Variants in USH2A observed in about 807,000 individuals in gnomAD.
The protein encoded by USH2A is usherin.
USH2A carries 443 observed loss-of-function variants against 538.9 expected under a neutral mutation model. The observed-to-expected ratio is 0.82, with a 90% CI of 0.76 to 0.89. The LOEUF (loss-of-function observed/expected upper bound fraction) is 0.89, where lower values mean the gene tolerates loss of function less well. USH2A is among the 40% of genes least tolerant of loss of function. USH2A has a pLI of 0.00. For missense variants in USH2A, 6,633 were observed against 6,324.8 expected (o/e 1.05, Z -1.65); for synonymous variants, 2,413 against 2,273.5 (o/e 1.06, Z -1.75).
In USH2A at chr1:215,813,424, A is replaced by T. The variant is rs1027564559; in HGVS notation, c.9739+312T>A. 2.6e-5 allele frequency among the ~76,000 whole-genome samples: 4 copies of T among 152,194 alleles called. No homozygotes were observed. In the East Asian group the frequency reaches 5.8e-4, roughly 22 times the overall value. ...GAACAGTCAGCAATTCACATATTTAATAGTGAAAATATATAGTCATGTTAA... is the reference window on the plus strand; with the variant it reads ...GAACAGTCAGCAATTCACATATTTATTAGTGAAAATATATAGTCATGTTAA... On this transcript the variant is annotated intron_variant, in intron 49 of 71. Transcript: ENST00000307340.
chr1:215,646,209 T>C (rs1388722586), intron 67 of USH2A, among the ~76,000 whole-genome samples: 2 of 152,252 alleles, frequency 1.3e-5, no homozygotes, highest in South Asian at 2.1e-4. Context: ...ACCTGTGCTG[T>C]TGCAAGGGCC....
rs754724898 is a variant in USH2A at position 215,888,945 on chromosome 1, A to C, written c.7704T>G (p.Ile2568Met). 3.1e-6 allele frequency: 5 copies of C among 1,614,040 alleles called. No individual in the cohort carries two copies. Among genetic ancestry groups the C allele is most frequent in the Non-Finnish European group, 4.2e-6 (5 of 1,180,032 alleles). ...KSNGVITHYN[I>M]YLHGRLYLRT... ...TCAAGTATAGACGGCCATGTAGATAAATGTTATAATGGGTAATAACCCCAT... is the reference window on the plus strand; with the variant it reads ...TCAAGTATAGACGGCCATGTAGATACATGTTATAATGGGTAATAACCCCAT... Residue 2568 changes from isoleucine (I) to methionine (M), a missense_variant, in exon 41 of 72, where the codon ATT (isoleucine) becomes ATG (methionine). Ile to Met is a conservative substitution (Grantham distance 10). Transcript: ENST00000307340.
chr1:215,820,177 A>T (rs1338873859), intron 47 of USH2A, among the ~76,000 whole-genome samples: 1 of 151,638 alleles, frequency 6.6e-6, no homozygotes, highest in Non-Finnish European at 1.5e-5. Context: ...TTAGATTTTA[A>T]AGTAATAGGA....
chr1:216,089,818 A>T (rs527441771), intron 22 of USH2A, among the ~76,000 whole-genome samples: 1 of 131,718 alleles, frequency 7.6e-6, no homozygotes, highest in African/African-American at 3.4e-5. Flanking sequence ...AGGTAAGAAT[A>T]AAAAAAAAAA....
At chr1:216,032,215 GT>G (rs1669145026) in intron 32 of USH2A, among the ~76,000 whole-genome samples, 1 of 152,012 alleles carries the variant, frequency 6.6e-6, no homozygotes, top group African/African-American at 2.4e-5. Flanking sequence ...TGCAGAGGAT[GT>G]TTTGCATTAA....
intron 37 of USH2A, among the ~76,000 whole-genome samples, chr1:215,957,175 T>C (rs946048001): frequency 2.0e-5 from 3 of 152,214 alleles, no homozygotes; most frequent in African/African-American, 7.2e-5. Flanking sequence ...AGTAATTTTC[T>C]CTATTTCCCC....
chr1:215,840,959 G>A (rs1399392283), intron 46 of USH2A, among the ~76,000 whole-genome samples: 1 of 152,116 alleles, frequency 6.6e-6, no homozygotes. Context: ...ATAAACATCA[G>A]TCCACATATT....
At chr1:215,769,157 A>G (rs888291395) in intron 55 of USH2A, among the ~76,000 whole-genome samples, 1 of 152,224 alleles carries the variant, frequency 6.6e-6, no homozygotes, top group Non-Finnish European at 1.5e-5. Flanking sequence ...CAATACACAT[A>G]TTCTAGATTT....
chr1:215,647,461 C>T, intron 67 of USH2A, 61 bp downstream of exon 67: 1 of 1,604,894 alleles, frequency 6.2e-7, no homozygotes, highest in Non-Finnish European at 8.5e-7. Flanking sequence ...AGTTTCAGGG[C>T]AAGCTTCTCC....
chr1:216,076,033 C>A (rs2031737400), intron 27 of USH2A, among the ~76,000 whole-genome samples: 1 of 152,108 alleles, frequency 6.6e-6, no homozygotes, highest in African/African-American at 2.4e-5. Context: ...ATACATGCTG[C>A]ACCTCTGTAT....
At chr1:215,630,072 T>G in intron 70 of USH2A, 2 of 513,348 alleles carry the variant, frequency 3.9e-6, no homozygotes, top group Non-Finnish European at 7.8e-6. Flanking sequence ...TCACTCATGT[T>G]GTTCAGCTTT....
intron 32 of USH2A, among the ~76,000 whole-genome samples, chr1:216,031,309 C>T (rs1445733163): frequency 6.6e-6 from 1 of 152,050 alleles, no homozygotes; most frequent in East Asian, 1.9e-4. Flanking sequence ...TTAGTATCTA[C>T]AGCAAGGTTA....
chr1:216,011,055 T>G (rs1301125472), intron 32 of USH2A, among the ~76,000 whole-genome samples: 3 of 152,150 alleles, frequency 2.0e-5, no homozygotes, highest in Non-Finnish European at 4.4e-5. Context: ...CAGCATGGCC[T>G]TTTAAAGCCT....
chr1:215,965,035 A>G (rs1354934056), intron 37 of USH2A, among the ~76,000 whole-genome samples: 1 of 152,176 alleles, frequency 6.6e-6, no homozygotes, highest in Non-Finnish European at 1.5e-5. Flanking sequence ...TTAAACACAG[A>G]CTGTTAGACC....
At chr1:216,319,505 C>G (rs369615456) in intron 9 of USH2A, among the ~76,000 whole-genome samples, 1 of 151,934 alleles carries the variant, frequency 6.6e-6, no homozygotes. Flanking sequence ...CAAAAGAAAA[C>G]CATAAAAGAT....
At chr1:216,222,180 C>T (rs1294574220) in intron 14 of USH2A, among the ~76,000 whole-genome samples, 1 of 152,136 alleles carries the variant, frequency 6.6e-6, no homozygotes, top group East Asian at 1.9e-4. Context: ...TCCAAGGTGA[C>T]AGTAAATCTA....
chr1:215,894,849 C>G (rs1665288592), intron 40 of USH2A, among the ~76,000 whole-genome samples: 1 of 152,188 alleles, frequency 6.6e-6, no homozygotes, highest in Non-Finnish European at 1.5e-5. Flanking sequence ...TCAGTGCTCT[C>G]TTACAGCAAT....
In USH2A at chr1:215,801,615, G is replaced by C. The variant is rs1229633851; in HGVS notation, c.9740-2490C>G. Among the ~76,000 whole-genome samples, 5 of 152,154 alleles carry C rather than the reference G, an allele frequency of 3.3e-5. No individual in the cohort carries two copies. In the South Asian group the frequency reaches 1.0e-3, roughly 32 times the overall value. On this transcript the variant is annotated intron_variant, in intron 49 of 71. Transcript: ENST00000307340. ...GACTGAAATACTACAAAATGTTGTT[G>C]AAAGAAATTAAAGAAGATAACCAAA...
At chr1:215,851,242 A>G (rs1257133993) in intron 44 of USH2A, among the ~76,000 whole-genome samples, 1 of 152,200 alleles carries the variant, frequency 6.6e-6, no homozygotes, top group Admixed American at 6.6e-5. Context: ...ACAATACAAA[A>G]GATAAATGAA....
Sources: allele counts gnomAD v4.1 joint callset (sites outside exome capture counted in the v4.1 genomes callset), GRCh38; gene constraint gnomAD v4.1.1; transcripts MANE v1.5; gene names NCBI Gene and HGNC (gene_info 2026-07-23, HGNC 2026-07-21).